Variants in PTPRN2 observed in about 807,000 individuals in gnomAD.
PTPRN2 encodes the protein receptor-type tyrosine-protein phosphatase N2.
PTPRN2 carries 74 observed loss-of-function variants against 118.8 expected under a neutral mutation model. The ratio of observed to expected loss-of-function variants is 0.62; its 90% CI spans 0.52 to 0.76. The LOEUF is 0.76. PTPRN2 is among the 30% of genes least tolerant of loss of function. The probability of loss-of-function intolerance (pLI) is 0.00; values close to 1 mark genes in which losing one functional copy is unlikely to be tolerated. For missense variants in PTPRN2, 1,481 were observed against 1,394.4 expected (o/e 1.06, Z -0.99); for synonymous variants, 641 against 608.0 (o/e 1.05, Z -0.80).
chr7:157,628,417 G>A (rs531754351), intron 14 of PTPRN2, among the ~76,000 whole-genome samples: 3 of 152,194 alleles, frequency 2.0e-5, no homozygotes, highest in Non-Finnish European at 4.4e-5. Context: ...GAACCACCCT[G>A]TCACTCGCAG....
At chr7:157,695,711 T>C (rs1797733633) in intron 12 of PTPRN2, among the ~76,000 whole-genome samples, 5 of 152,340 alleles carry the variant, frequency 3.3e-5, no homozygotes, top group Non-Finnish European at 1.5e-5. Context: ...CCAGTAGTTA[T>C]TTTTTCAAGG....
At chr7:157,805,314 T>TGTGTGC (rs776700495) in intron 12 of PTPRN2, among the ~76,000 whole-genome samples, 2 of 149,042 alleles carry the variant, frequency 1.3e-5, no homozygotes, top group African/African-American at 2.5e-5. Context: ...TGTGTGTGTG[T>TGTGTGC]GTGCGTGTGC....
intron 11 of PTPRN2, among the ~76,000 whole-genome samples, chr7:157,938,759 T>C (rs771048993): frequency 1.3e-5 from 2 of 152,244 alleles, no homozygotes; most frequent in Non-Finnish European, 2.9e-5. Flanking sequence ...CTAAGCATGA[T>C]TGTTTTTGAG....
intron 16 of PTPRN2, among the ~76,000 whole-genome samples, chr7:157,601,377 G>T (rs979285975): frequency 6.6e-6 from 1 of 151,772 alleles, no homozygotes; most frequent in Non-Finnish European, 1.5e-5. Context: ...AATTATCATT[G>T]TACCTTCAGC....
rs1175887012 is a variant in PTPRN2, at chr7:157,611,775, A to G, written c.2345-7700T>C. ...CCCGTGTGAAGACGAAGACAGCCGC[A>G]GTCATGCTGGGGACACGCGGAGGGA... On this transcript the variant is annotated intron_variant, in intron 15 of 22. Transcript: ENST00000389418. The surrounding 1 kb of genome is among the most constrained non-coding windows in gnomAD (Gnocchi z 5.9). Among the ~76,000 whole-genome samples, 490 of 132,982 alleles carry G rather than the reference A, an allele frequency of 3.7e-3. 5 individuals carry two copies. Among genetic ancestry groups the G allele is most frequent in the African/African-American group, 0.014 (471 of 33,794 alleles). The allele number at this position is 132,982 out of a possible 152,430, so 87.2% of individuals were successfully genotyped here. A position where few individuals can be genotyped will look rare whatever the true frequency, so the allele number is the denominator to read the frequency against.
At chr7:158,253,887 A>G (rs1434299556) in intron 3 of PTPRN2, among the ~76,000 whole-genome samples, 1 of 135,588 alleles carries the variant, frequency 7.4e-6, no homozygotes, top group Non-Finnish European at 1.6e-5. Context: ...GGCGGCACAG[A>G]GCCACTGCCC....
intron 11 of PTPRN2, among the ~76,000 whole-genome samples, chr7:158,075,967 C>G (rs149625362): frequency 6.6e-6 from 1 of 152,200 alleles, no homozygotes; most frequent in African/African-American, 2.4e-5. Flanking sequence ...ACTGCTCTGG[C>G]GCTGTTTCTC....
At chr7:158,076,740 C>A (rs1039750404) in intron 11 of PTPRN2, among the ~76,000 whole-genome samples, 1 of 152,180 alleles carries the variant, frequency 6.6e-6, no homozygotes, top group Non-Finnish European at 1.5e-5. Context: ...CAAAGGCCAG[C>A]TTCTCTGTGG....
chr7:157,835,559 A>G (rs10232911), intron 12 of PTPRN2, among the ~76,000 whole-genome samples: 15,343 of 152,212 alleles, frequency 0.1, 1,409 homozygotes, highest in African/African-American at 0.23. Context: ...GAGAGTTTGC[A>G]AGAAGAAGCT....
rs376992438 is a variant in PTPRN2, at chr7:157,831,824, G to A, written c.1788+66849C>T. On this transcript the variant is annotated intron_variant, in intron 12 of 22. Transcript: ENST00000389418. The surrounding 1 kb of genome is among the most constrained non-coding windows in gnomAD (Gnocchi z 4.8). ...GTTAGACCCTCACGAGACGTCCCACGAATGGAACCCTAGGCCATAAAATAT... is the reference window on the plus strand; with the variant it reads ...GTTAGACCCTCACGAGACGTCCCACAAATGGAACCCTAGGCCATAAAATAT... 9.2e-5 allele frequency among the ~76,000 whole-genome samples: 14 copies of A among 152,300 alleles called. No individual in the cohort carries two copies. In the East Asian group the frequency reaches 2.1e-3, roughly 23 times the overall value.
intron 22 of PTPRN2, among the ~76,000 whole-genome samples, chr7:157,546,361 G>A (rs1383062963): frequency 3.9e-5 from 6 of 152,128 alleles, no homozygotes; most frequent in Admixed American, 6.5e-5. Flanking sequence ...GTGGTTTGCC[G>A]CACCCATGAA....
rs769163767 is a variant in PTPRN2 at position 158,138,400 on chromosome 7, G to A, written c.1026C>T (p.Gly342=). 2.7e-5 allele frequency: 43 copies of A among 1,613,636 alleles called. No individual in the cohort carries two copies. The highest frequency in any genetic ancestry group is 3.5e-5 in the Non-Finnish European group (41 of 1,179,910). Residue 342 remains glycine, a synonymous_variant, in exon 7 of 23, where the codon GGC becomes GGT. Transcript: ENST00000389418. ...TGCCTCGAGCTACTCCATGGTCCAC[G>A]CCTTGCATCAGGCCAGCCATCAGCT... ...MAELMAGLMQ[G]VDHGVARGSP...
rs551017727 is a variant in PTPRN2 at position 158,526,759 on chromosome 7, G to A, written c.113-36974C>T. ...ACGCACAGATGGACAACCCTGTGGG[G>A]CACAGGGAGGAGACGGCATCTGCCA... On this transcript the variant is annotated intron_variant, in intron 1 of 22. Transcript: ENST00000389418. This position sits in a 1 kb window ranked among gnomAD's most constrained non-coding sequence, Gnocchi z 5.2. 2.6e-5 allele frequency among the ~76,000 whole-genome samples: 4 copies of A among 152,242 alleles called. No individual in the cohort carries two copies. The Middle Eastern group carries it at 0.014, about 518-fold the overall frequency.
intron 21 of PTPRN2, 139 bp from the exon 22 acceptor site, chr7:157,549,158 A>C: frequency 1.3e-6 from 1 of 788,704 alleles, no homozygotes; most frequent in East Asian, 2.6e-5. Flanking sequence ...GCCGGCTGGC[A>C]GGCGGCTGCA....
At chr7:157,721,596 C>T (rs1799237553) in intron 12 of PTPRN2, among the ~76,000 whole-genome samples, 1 of 152,206 alleles carries the variant, frequency 6.6e-6, no homozygotes, top group Non-Finnish European at 1.5e-5. Context: ...TGTCAGCGTC[C>T]ACTGAGTCGC....
intron 3 of PTPRN2, among the ~76,000 whole-genome samples, chr7:158,303,182 A>AAAAAAAAAAAAAAC (rs1274915635): frequency 1.3e-5 from 2 of 151,684 alleles, no homozygotes; most frequent in African/African-American, 4.9e-5. Context: ...AAAAAAAAAA[A>AAAAAAAAAAAAAAC]AAATTCTTTG....
chr7:157,823,927 C>T (rs1338572022), intron 12 of PTPRN2, among the ~76,000 whole-genome samples: 5 of 152,200 alleles, frequency 3.3e-5, no homozygotes, highest in African/African-American at 4.8e-5. Context: ...CTTCGTTCCA[C>T]AGCTGGGTAT....
intron 14 of PTPRN2, among the ~76,000 whole-genome samples, chr7:157,628,766 G>A (rs554912912): frequency 6.6e-6 from 1 of 152,328 alleles, no homozygotes; most frequent in East Asian, 1.9e-4. Context: ...TTTCAGTAGA[G>A]GAAGAGGGTA....
chr7:157,772,253 G>A (rs925645286), intron 12 of PTPRN2, among the ~76,000 whole-genome samples: 12 of 90,924 alleles, frequency 1.3e-4, no homozygotes, highest in African/African-American at 3.8e-4. Context: ...AGACACAGAC[G>A]CACACAGACA....
Sources: gnomAD v4.1 joint callset for allele counts (sites outside exome capture counted in the v4.1 genomes callset) on GRCh38, gnomAD v4.1.1 for gene constraint, Gnocchi (gnomAD v3.1) non-coding constraint, MANE v1.5 for transcripts, NCBI Gene and HGNC (gene_info 2026-07-23, HGNC 2026-07-21) for gene names.